The following PPP1R9A variants were observed in gnomAD, a reference collection of about 807,000 sequenced individuals.
PPP1R9A encodes neurabin-1.
PPP1R9A carries 59 observed loss-of-function variants against 141.9 expected under a neutral mutation model. That is an observed-to-expected ratio of 0.42 (90% CI 0.34 to 0.52). PPP1R9A has a LOEUF of 0.52. Ranked by LOEUF, PPP1R9A falls within the 20% of genes least tolerant of loss-of-function variation. PPP1R9A has a pLI of 0.10. For missense variants in PPP1R9A, 1,444 were observed against 1,611.9 expected (o/e 0.90, Z 1.78); for synonymous variants, 500 against 569.7 (o/e 0.88, Z 1.74).
chr7:95,219,567 C>T (rs1794091691), intron 7 of PPP1R9A, among the ~76,000 whole-genome samples: 1 of 151,940 alleles, frequency 6.6e-6, no homozygotes, highest in Non-Finnish European at 1.5e-5. Flanking sequence ...AGAGTGTTTT[C>T]CAACTTGGTT....
intron 4 of PPP1R9A, among the ~76,000 whole-genome samples, chr7:95,141,165 A>G (rs1826605558): frequency 6.6e-6 from 1 of 152,196 alleles, no homozygotes; most frequent in African/African-American, 2.4e-5. Flanking sequence ...ACAGATAATA[A>G]AAAAATTTAA....
chr7:95,265,346 G>T (rs1257636923), intron 12 of PPP1R9A, among the ~76,000 whole-genome samples: 17 of 152,292 alleles, frequency 1.1e-4, no homozygotes, highest in African/African-American at 4.1e-4. Flanking sequence ...CAGATTAACT[G>T]TGTGGTGCAA....
rs767004439 is a variant in PPP1R9A at position 95,284,015 on chromosome 7, C to T, written c.3297-3C>T. The T allele has an allele frequency of 6.3e-7, 1 of 1,583,470 alleles. No homozygotes were observed. On this transcript the variant is annotated splice_polypyrimidine_tract_variant and splice_region_variant and intron_variant, in intron 16 of 19. Coordinates refer to ENST00000433360, the MANE Select transcript of PPP1R9A (RefSeq NM_001166160.2). Reference sequence around the variant, plus strand: ...TAACACACCCATTCTTTTCACAAAACAGGATCTTCAGAGGCAGACTGGAAA... The same window carrying T: ...TAACACACCCATTCTTTTCACAAAATAGGATCTTCAGAGGCAGACTGGAAA...
chr7:95,093,189 A>G (rs998822256), intron 2 of PPP1R9A, among the ~76,000 whole-genome samples: 7 of 152,148 alleles, frequency 4.6e-5, no homozygotes, highest in African/African-American at 1.2e-4. Context: ...ATAGACCACC[A>G]TGACTAGAAT....
intron 12 of PPP1R9A, among the ~76,000 whole-genome samples, chr7:95,268,291 C>G (rs1180838950): frequency 1.3e-5 from 2 of 152,060 alleles, no homozygotes; most frequent in Non-Finnish European, 2.9e-5. Flanking sequence ...AATTATATTG[C>G]AGGAAGGTTG....
intron 2 of PPP1R9A, among the ~76,000 whole-genome samples, chr7:95,072,310 T>A (rs1358525399): frequency 6.9e-6 from 1 of 144,822 alleles, no homozygotes; most frequent in East Asian, 2.0e-4. Context: ...AATAATATTG[T>A]ATTATATAAT....
intron 7 of PPP1R9A, among the ~76,000 whole-genome samples, chr7:95,216,694 T>G (rs1450706702): frequency 2.6e-5 from 4 of 152,166 alleles, no homozygotes; most frequent in Non-Finnish European, 1.5e-5. Context: ...CCCTTGTAAG[T>G]TGGGATTCCT....
intron 2 of PPP1R9A, among the ~76,000 whole-genome samples, chr7:94,918,817 A>T (rs1792408214): frequency 6.6e-6 from 1 of 152,246 alleles, no homozygotes; most frequent in Admixed American, 6.5e-5. Context: ...AAAGGATAGC[A>T]CACTACAGGA....
chr7:95,204,196 T>G (rs1790197180), intron 7 of PPP1R9A, among the ~76,000 whole-genome samples: 1 of 152,212 alleles, frequency 6.6e-6, no homozygotes. Context: ...AGTTGCATGA[T>G]TTATATGGTA....
intron 2 of PPP1R9A, among the ~76,000 whole-genome samples, chr7:95,032,430 C>T (rs1173749988): frequency 1.3e-5 from 2 of 151,984 alleles, no homozygotes; most frequent in South Asian, 2.1e-4. Flanking sequence ...AAGATTTACT[C>T]ATCAAACTAA....
chr7:95,276,814 T>C (rs1446606787), intron 16 of PPP1R9A, among the ~76,000 whole-genome samples: 2 of 152,222 alleles, frequency 1.3e-5, no homozygotes, highest in African/African-American at 4.8e-5. Flanking sequence ...AAAAAAATTT[T>C]GAGCTGCTAT....
chr7:95,252,016 A>T lies in PPP1R9A; in HGVS notation c.2551A>T (p.Asn851Tyr). 1.2e-6 allele frequency: 2 copies of T among 1,613,254 alleles called. No homozygotes were observed. Among genetic ancestry groups the T allele is most frequent in the Non-Finnish European group, 1.7e-6 (2 of 1,179,760 alleles). ...RLLKQNGTQV[N>Y]NNNNIFERRT... Reference sequence around the variant, plus strand: ...ACTGAAGCAAAATGGGACTCAAGTTAACAATAATAACAACATCTTTGAGAG... The same window carrying T: ...ACTGAAGCAAAATGGGACTCAAGTTTACAATAATAACAACATCTTTGAGAG... Residue 851 changes from asparagine (N) to tyrosine (Y), a missense_variant, in exon 12 of 20, where the codon AAC becomes TAC. Physicochemically the swap from Asn to Tyr is moderately radical, Grantham distance 143 (BLOSUM62 -2). This residue lies in a region of PPP1R9A where 488 missense variants were observed against 542.0 expected (regional missense o/e 0.90). Coordinates refer to ENST00000433360, the MANE Select transcript of PPP1R9A (RefSeq NM_001166160.2).
At chr7:94,978,500 TACTC>T (rs1221535853) in intron 2 of PPP1R9A, among the ~76,000 whole-genome samples, 3 of 152,220 alleles carry the variant, frequency 2.0e-5, no homozygotes, top group African/African-American at 7.2e-5. Flanking sequence ...CCTAAAAACT[TACTC>T]CTTTTCTTGG....
At position 95,291,961 on chromosome 7, in the gene PPP1R9A, A is replaced by G. The variant is rs2116153012; in HGVS notation, c.*1658A>G. 1 of 152,246 alleles carries G rather than the reference A, an allele frequency of 6.6e-6. No homozygotes were observed. The highest frequency in any genetic ancestry group is 2.1e-4 in the South Asian group (1 of 4,824). The allele number at this position is 152,246 out of a possible 1,614,324, so 9.4% of individuals were successfully genotyped here. A position where few individuals can be genotyped will look rare whatever the true frequency, so the allele number is the denominator to read the frequency against. On this transcript the variant is annotated 3_prime_UTR_variant, in exon 20 of 20. Coordinates refer to ENST00000433360, the MANE Select transcript of PPP1R9A (RefSeq NM_001166160.2). ...GAAAATCTGAATTCAGAAATTATCTAAACTGGACATTTTTAATTCTGTTTT... is the reference window on the plus strand; with the variant it reads ...GAAAATCTGAATTCAGAAATTATCTGAACTGGACATTTTTAATTCTGTTTT...
chr7:95,195,812 G>A (rs564031594), intron 5 of PPP1R9A, among the ~76,000 whole-genome samples: 100 of 152,148 alleles, frequency 6.6e-4, no homozygotes, highest in Middle Eastern at 3.4e-3. Context: ...GCACTTTGGG[G>A]GGCCAAAGTG....
intron 2 of PPP1R9A, among the ~76,000 whole-genome samples, chr7:95,083,053 C>T (rs1205783120): frequency 1.3e-5 from 2 of 151,886 alleles, no homozygotes; most frequent in Non-Finnish European, 2.9e-5. Flanking sequence ...CTGCGCCCAG[C>T]CGGGATTTCT....
chr7:95,181,607 G>A (rs1314023195), intron 5 of PPP1R9A, among the ~76,000 whole-genome samples: 2 of 133,312 alleles, frequency 1.5e-5, no homozygotes, highest in African/African-American at 5.6e-5. Flanking sequence ...TATATATTCT[G>A]TCACACATAT....
chr7:95,099,577 G>A (rs1818483780), intron 2 of PPP1R9A, among the ~76,000 whole-genome samples: 1 of 152,130 alleles, frequency 6.6e-6, no homozygotes, highest in Non-Finnish European at 1.5e-5. Context: ...CCAAATTCAG[G>A]ATGAGCTAAG....
chr7:95,000,901 TGAAAAG>T (rs1349732217), intron 2 of PPP1R9A, among the ~76,000 whole-genome samples: 3 of 152,220 alleles, frequency 2.0e-5, no homozygotes, highest in Non-Finnish European at 4.4e-5. Context: ...TTAAAGAGAA[TGAAAAG>T]GAAATCACTG....
Sources: gnomAD v4.1 joint callset for allele counts (sites outside exome capture counted in the v4.1 genomes callset) on GRCh38, gnomAD v4.1.1 for gene constraint, gnomAD v4.1.1 regional missense constraint, MANE v1.5 for transcripts, NCBI Gene and HGNC (gene_info 2026-07-23, HGNC 2026-07-21) for gene names.